The following SLF1 variants were observed in gnomAD, a reference collection of about 807,000 sequenced individuals.
SLF1 encodes the protein SMC5/6 complex localization factor 1, also known as SMC5-SMC6 complex localization factor protein 1.
In SLF1, 105 loss-of-function variants were observed where a neutral mutation model predicts 123.0. The observed-to-expected ratio is 0.85, with a 90% CI of 0.73 to 1.00. SLF1 has a LOEUF of 1.00. Among genes scored for constraint, SLF1 ranks in the 50% least tolerant of loss-of-function variants. The pLI is 0.00. For synonymous variants in SLF1, 434 were observed against 406.6 expected (o/e 1.07, Z -0.81); for missense variants, 1,239 against 1,223.0 (o/e 1.01, Z -0.20).
In SLF1 at chr5:94,695,795, C is replaced by G. The variant is rs566851630; in HGVS notation, c.*483C>G. On this transcript the variant is annotated 3_prime_UTR_variant, in exon 21 of 21. Coordinates refer to ENST00000265140, the MANE Select transcript of SLF1 (RefSeq NM_032290.4). ...ACATGTAGCTCCCTATTTCTTCTCT[C>G]TAGGTTGTTGGACTGAAATATGCAT... is the stretch of plus-strand genomic sequence containing the variant. The G allele has an allele frequency of 6.6e-6, 1 of 151,686 alleles. No individual in the cohort carries two copies. The highest frequency in any genetic ancestry group is 2.4e-5 in the African/African-American group (1 of 41,420). The allele number at this position is 151,686 out of a possible 1,614,324, so 9.4% of individuals were successfully genotyped here.
At chr5:94,693,076 A>T (rs1004825130) in intron 20 of SLF1, among the ~76,000 whole-genome samples, 26 of 152,154 alleles carry the variant, frequency 1.7e-4, no homozygotes, top group African/African-American at 5.5e-4. Flanking sequence ...TTTAAATTTA[A>T]CATTATCTTA....
chr5:94,650,039 G>C (rs1160700897), intron 6 of SLF1, among the ~76,000 whole-genome samples: 1 of 152,028 alleles, frequency 6.6e-6, no homozygotes, highest in Non-Finnish European at 1.5e-5. Context: ...AAACAGGAAG[G>C]ACTTTGAACT....
At chr5:94,654,394 G>GAAA (rs11427225) in intron 8 of SLF1, among the ~76,000 whole-genome samples, 28 of 106,734 alleles carry the variant, frequency 2.6e-4, no homozygotes, top group Admixed American at 2.2e-3. Context: ...AGAGTAAAAA[G>GAAA]AAAAAAAAAA....
At chr5:94,640,563 T>C (rs1268190298) in intron 4 of SLF1, among the ~76,000 whole-genome samples, 2 of 152,186 alleles carry the variant, frequency 1.3e-5, no homozygotes, top group Non-Finnish European at 2.9e-5. Context: ...TCTCCAGCCA[T>C]TATTTTTTAA....
intron 1 of SLF1, among the ~76,000 whole-genome samples, chr5:94,627,602 A>G (rs997379077): frequency 2.2e-5 from 3 of 135,660 alleles, no homozygotes; most frequent in Admixed American, 7.2e-5. Context: ...ATATATATAT[A>G]TATATATATA....
chr5:94,689,547 C>T lies in SLF1; in HGVS notation c.2360C>T (p.Ser787Phe). 1.2e-6 allele frequency: 2 copies of T among 1,611,576 alleles called. No homozygotes were observed. Among genetic ancestry groups the T allele is most frequent in the Non-Finnish European group, 1.7e-6 (2 of 1,178,128 alleles). The change falls in exon 18 of 21, where the codon TCC (serine) becomes TTC (phenylalanine). Residue 787 changes from serine (S) to phenylalanine (F), a missense_variant. Coordinates refer to ENST00000265140, the MANE Select transcript of SLF1 (RefSeq NM_032290.4). The stretch of plus-strand genomic sequence containing the variant: ...AAGTCAGAAGGAGAATTGTCATGTT[C>T]CAAGGAGAATTGCCCCTCTGTAGTT... ...KKKSEGELSCSKENCPSVVKK... is the reference protein window; with the variant it reads ...KKKSEGELSCFKENCPSVVKK...
At chr5:94,653,142 C>A in intron 7 of SLF1, 130 bp from the exon 8 acceptor site, 1 of 867,130 alleles carries the variant, frequency 1.2e-6, no homozygotes, top group Non-Finnish European at 1.7e-6. Flanking sequence ...CAGGCATGAG[C>A]CACCGCGCCC....
At chr5:94,651,276 TAACG>T (rs1747693388) in intron 6 of SLF1, among the ~76,000 whole-genome samples, 1 of 152,212 alleles carries the variant, frequency 6.6e-6, no homozygotes, top group Non-Finnish European at 1.5e-5. Flanking sequence ...CGAAATCAAC[TAACG>T]ATGTACTTCT....
In SLF1 at chr5:94,630,700, GTCC is replaced by G; in HGVS notation, c.393_395del (p.Leu132del). The G allele has an allele frequency of 1.3e-6, 2 of 1,551,676 alleles. No individual in the cohort carries two copies. The highest frequency in any genetic ancestry group is 1.7e-6 in the Non-Finnish European group (2 of 1,146,974). On this transcript the variant is annotated inframe_deletion, in exon 4 of 21. Transcript: ENST00000265140. The stretch of plus-strand genomic sequence containing the variant: ...AGGAGCCTTCCACAGATGGAAAGTT[GTCC>G]TCCTTGTTAGAACTGATAAGCGAAG...
intron 1 of SLF1, among the ~76,000 whole-genome samples, chr5:94,623,990 G>A (rs551059780): frequency 3.3e-5 from 5 of 152,236 alleles, no homozygotes; most frequent in African/African-American, 1.2e-4. Flanking sequence ...ATTGCTAAAT[G>A]TATTATAAAC....
chr5:94,682,853 T>C (rs553539205), intron 15 of SLF1, among the ~76,000 whole-genome samples: 2 of 152,372 alleles, frequency 1.3e-5, no homozygotes, highest in African/African-American at 2.4e-5. Context: ...ATTCGTTCAA[T>C]GTTAAGTACC....
intron 18 of SLF1, 43 bp from the exon 19 acceptor site, chr5:94,691,521 T>A (rs764306574): frequency 6.6e-7 from 1 of 1,505,572 alleles, no homozygotes; most frequent in South Asian, 1.2e-5. Context: ...TTTTAGTTGA[T>A]ATCTTGTCTT....
chr5:94,631,531 T>A (rs1018147844), intron 4 of SLF1, among the ~76,000 whole-genome samples: 8 of 152,232 alleles, frequency 5.3e-5, no homozygotes, highest in African/African-American at 1.4e-4. Context: ...TTGATATAGC[T>A]TCATTTCTCT....
chr5:94,620,425 C>T (rs771964029), intron 1 of SLF1, among the ~76,000 whole-genome samples: 3 of 152,160 alleles, frequency 2.0e-5, no homozygotes, highest in Non-Finnish European at 2.9e-5. Flanking sequence ...GGTTACTTTT[C>T]ATAATCAAAA....
intron 7 of SLF1, 70 bp from the exon 8 acceptor site, chr5:94,653,202 T>A: frequency 4.4e-6 from 6 of 1,360,028 alleles, no homozygotes; most frequent in Non-Finnish European, 4.9e-6. Flanking sequence ...AAAGTCACTC[T>A]TGAGTTTATT....
At chr5:94,676,534 G>C (rs141551145) in intron 14 of SLF1, among the ~76,000 whole-genome samples, 46 of 152,330 alleles carry the variant, frequency 3.0e-4, no homozygotes, top group African/African-American at 1.1e-3. Flanking sequence ...TCACCTGCTA[G>C]GATCTGGCTG....
intron 1 of SLF1, among the ~76,000 whole-genome samples, chr5:94,622,315 T>A (rs1791871362): frequency 1.3e-5 from 2 of 152,222 alleles, no homozygotes; most frequent in African/African-American, 4.8e-5. Context: ...GAGGGGAGTT[T>A]CAAATAATTT....
chr5:94,645,337 G>A (rs931574404), intron 5 of SLF1, among the ~76,000 whole-genome samples: 3 of 152,128 alleles, frequency 2.0e-5, no homozygotes, highest in Non-Finnish European at 2.9e-5. Context: ...AGACCCTGGC[G>A]CTACTTAAGT....
intron 1 of SLF1, among the ~76,000 whole-genome samples, chr5:94,627,585 C>T (rs982588116): frequency 1.2e-4 from 10 of 86,844 alleles, no homozygotes; most frequent in African/African-American, 3.9e-4. Flanking sequence ...ATGAAATTAA[C>T]ATATATATAT....
Sources: gnomAD v4.1 joint callset for allele counts (sites outside exome capture counted in the v4.1 genomes callset) on GRCh38, gnomAD v4.1.1 for gene constraint, MANE v1.5 for transcripts, NCBI Gene and HGNC (gene_info 2026-07-23, HGNC 2026-07-21) for gene names.